SLC25A18: variants seen among roughly 807,000 people sequenced by gnomAD.
SLC25A18 encodes solute carrier family 25 member 18.
SLC25A18 carries 24 observed loss-of-function variants against 31.1 expected under a neutral mutation model. That is an observed-to-expected ratio of 0.77 (90% CI 0.56 to 1.08). The LOEUF (loss-of-function observed/expected upper bound fraction) is 1.08. Ranked by LOEUF, SLC25A18 falls within the 50% of genes least tolerant of loss-of-function variation. SLC25A18 has a pLI of 0.00. For synonymous variants in SLC25A18, 173 were observed against 161.9 expected, an observed-to-expected ratio of 1.07 and a Z score of -0.52; for missense variants, 371 against 418.5, an observed-to-expected ratio of 0.89 and a Z score of 0.99.
chr22:17,565,657 G>A (rs906915307), intron 1 of SLC25A18, among the ~76,000 whole-genome samples: 1 of 151,930 alleles, frequency 6.6e-6, no homozygotes, highest in African/African-American at 2.4e-5. Flanking sequence ...CACCTGAGGT[G>A]GGGAGTTCAA....
At chr22:17,581,460 T>C (rs1467577367) in intron 5 of SLC25A18, 47 bp downstream of exon 5, 1 of 1,603,408 alleles carries the variant, frequency 6.2e-7, no homozygotes, top group South Asian at 1.1e-5. Context: ...GGTGTGAGCG[T>C]ATGGGACATG....
chr22:17,567,507 C>T (rs981847658), intron 1 of SLC25A18, among the ~76,000 whole-genome samples: 16 of 151,382 alleles, frequency 1.1e-4, no homozygotes, highest in African/African-American at 3.7e-4. Flanking sequence ...GAACGTGCAT[C>T]TGACTTCAAA....
intron 7 of SLC25A18, among the ~76,000 whole-genome samples, chr22:17,584,415 G>GAA (rs1158186949): frequency 7.7e-6 from 1 of 129,928 alleles, no homozygotes; most frequent in East Asian, 2.2e-4. Context: ...AAGAAAGAAA[G>GAA]AAAGAAAGAA....
intron 1 of SLC25A18, among the ~76,000 whole-genome samples, chr22:17,567,202 C>T (rs989236488): frequency 1.3e-5 from 2 of 152,172 alleles, no homozygotes; most frequent in Non-Finnish European, 2.9e-5. Context: ...CATGTGAATA[C>T]CTTTTATGTG....
In SLC25A18 at chr22:17,590,244, T is replaced by C. The variant is rs771939971; in HGVS notation, c.*8T>C. 3.1e-6 allele frequency: 5 copies of C among 1,614,108 alleles called. No homozygotes were observed. Among genetic ancestry groups the C allele is most frequent in the Non-Finnish European group, 4.2e-6 (5 of 1,180,040 alleles). On this transcript the variant is annotated 3_prime_UTR_variant, in exon 11 of 11. Transcript: ENST00000327451. ...TTAAAGTGTTTTGACTAGACAGAGC[T>C]GGAGGTCAAGTCCCTGCGCTTGCCG... is the stretch of plus-strand genomic sequence containing the variant.
chr22:17,583,076 G>A (rs2057424933), intron 6 of SLC25A18, among the ~76,000 whole-genome samples: 1 of 152,120 alleles, frequency 6.6e-6, no homozygotes, highest in Non-Finnish European at 1.5e-5. Flanking sequence ...CCTCGTCTCA[G>A]GAAAAACAAA....
intron 1 of SLC25A18, 186 bp from the exon 2 acceptor site, chr22:17,569,738 C>T: frequency 1.0e-6 from 1 of 985,380 alleles, no homozygotes. Context: ...GGAGGTGCAG[C>T]GTGGCTTGAC....
chr22:17,580,636 G>A (rs762146411), intron 3 of SLC25A18: 2 of 1,004,058 alleles, frequency 2.0e-6, no homozygotes, highest in Non-Finnish European at 2.4e-6. Context: ...AGAGGTCACA[G>A]TCAGGATGCA....
intron 2 of SLC25A18, among the ~76,000 whole-genome samples, chr22:17,577,524 A>G (rs548638787): frequency 2.5e-4 from 38 of 151,222 alleles, no homozygotes; most frequent in Non-Finnish European, 4.6e-4. Context: ...AGCAGTCACA[A>G]TGTTCTCAAT....
In SLC25A18 at chr22:17,575,485, CAT is replaced by C. The variant is rs1210535076; in HGVS notation, c.-200-4259_-200-4258del. ...CTTTATTTATCTCTGTTTCCTCAAT[CAT>C]GTGACAAGTTTGCTGATGGGCCCCA... On this transcript the variant is annotated intron_variant, in intron 2 of 10. Coordinates refer to ENST00000327451, the MANE Select transcript of SLC25A18 (RefSeq NM_031481.3). Among the ~76,000 whole-genome samples, 9 of 152,270 alleles carry C rather than the reference CAT, an allele frequency of 5.9e-5. No homozygotes were observed. The South Asian group carries it at 1.0e-3, about 18-fold the overall frequency.
chr22:17,580,176 A>G (rs1244989862), intron 3 of SLC25A18: 3 of 451,896 alleles, frequency 6.6e-6, no homozygotes, highest in African/African-American at 6.0e-5. Context: ...AACATAGTTT[A>G]ATTGTTTGGG....
chr22:17,569,230 C>G lies in SLC25A18; in HGVS notation c.-263-694C>G, dbSNP rs545272293. 8.6e-5 allele frequency among the ~76,000 whole-genome samples: 13 copies of G among 151,258 alleles called. No homozygotes were observed. The South Asian group carries it at 1.0e-3, about 12-fold the overall frequency. ...TTACCATGTTAGCCAGGATGGTCTCCATCTCCCGACCTCGTGATCCGCCCG... is the reference window on the plus strand; with the variant it reads ...TTACCATGTTAGCCAGGATGGTCTCGATCTCCCGACCTCGTGATCCGCCCG... On this transcript the variant is annotated intron_variant, in intron 1 of 10. Transcript: ENST00000327451.
At chr22:17,569,799 G>A in intron 1 of SLC25A18, 125 bp from the exon 2 acceptor site, 1 of 985,450 alleles carries the variant, frequency 1.0e-6, no homozygotes, top group Non-Finnish European at 1.2e-6. Context: ...ATTTGAAGGT[G>A]CAGTGTGCGG....
rs554955518 is a variant in SLC25A18, at chr22:17,565,271, CGGG to C, written c.-264+1560_-264+1562del. Among the ~76,000 whole-genome samples, 18 of 151,998 alleles carry C rather than the reference CGGG, an allele frequency of 1.2e-4. No individual in the cohort carries two copies. In the South Asian group the frequency reaches 3.5e-3, roughly 30 times the overall value. On this transcript the variant is annotated intron_variant, in intron 1 of 10. Transcript: ENST00000327451. Reference sequence around the variant, plus strand: ...AATTTTTTGTATTTTTTAGTAGAGACGGGGTTTTGCCATGTTGGCCAGGATGGT... The same window carrying C: ...AATTTTTTGTATTTTTTAGTAGAGACGTTTTGCCATGTTGGCCAGGATGGT...
Position 17,569,689 on chromosome 22 carries a change from A to G in SLC25A18, c.-263-235A>G, listed in dbSNP as rs1468814734. 13 of 985,428 alleles carry G rather than the reference A, an allele frequency of 1.3e-5. No homozygotes were observed. The East Asian group carries it at 9.1e-4, about 69-fold the overall frequency. 61.0% of individuals were successfully genotyped at this position (985,428 alleles called of 1,614,324 possible). On this transcript the variant is annotated intron_variant, in intron 1 of 10. Transcript: ENST00000327451. ...AGCCTGGACTTTTTGTCCGAGTCAT[A>G]CTAGCCACCAAGTAAACAGCAACCT...
At chr22:17,568,695 G>C (rs1452498466) in intron 1 of SLC25A18, among the ~76,000 whole-genome samples, 2 of 148,616 alleles carry the variant, frequency 1.3e-5, no homozygotes, top group East Asian at 4.2e-4. Flanking sequence ...CCGAGTAGCT[G>C]GGACTACACG....
chr22:17,568,477 ATGTT>A (rs2056997504), intron 1 of SLC25A18, among the ~76,000 whole-genome samples: 1 of 150,848 alleles, frequency 6.6e-6, no homozygotes, highest in African/African-American at 2.4e-5. Flanking sequence ...CTATGACCTA[ATGTT>A]TGTTTGGACC....
intron 2 of SLC25A18, among the ~76,000 whole-genome samples, chr22:17,572,800 C>G (rs1206227318): frequency 6.7e-6 from 1 of 148,998 alleles, no homozygotes; most frequent in Admixed American, 6.6e-5. Context: ...CGCCACCACG[C>G]CCGGCTAATT....
intron 6 of SLC25A18, 59 bp from the exon 7 acceptor site, chr22:17,583,357 G>C: frequency 1.2e-6 from 2 of 1,602,928 alleles, no homozygotes; most frequent in Non-Finnish European, 1.7e-6. Context: ...CAAGAGGGCA[G>C]CTGCACCAGG....
Sources: gnomAD v4.1 joint callset for allele counts (sites outside exome capture counted in the v4.1 genomes callset) on GRCh38, gnomAD v4.1.1 for gene constraint, MANE v1.5 for transcripts, NCBI Gene and HGNC (gene_info 2026-07-23, HGNC 2026-07-21) for gene names.